The following FRMD4A variants were observed in gnomAD, a reference collection of about 807,000 sequenced individuals.
The protein encoded by FRMD4A is FERM domain-containing protein 4A.
FRMD4A carries 29 observed loss-of-function variants against 129.1 expected under a neutral mutation model. The observed-to-expected ratio is 0.22, with a 90% CI of 0.17 to 0.31. FRMD4A has a LOEUF of 0.31. Among genes scored for constraint, FRMD4A ranks in the 10% least tolerant of loss-of-function variants. The probability of loss-of-function intolerance (pLI) is 1.00; values close to 1 mark genes in which losing one functional copy is unlikely to be tolerated. For missense variants in FRMD4A, 1,272 were observed against 1,375.8 expected, an observed-to-expected ratio of 0.92 and a Z score of 1.19; for synonymous variants, 634 against 571.6, an observed-to-expected ratio of 1.11 and a Z score of -1.56.
intron 2 of FRMD4A, chr10:13,972,275 T>C: frequency 9.1e-6 from 9 of 989,516 alleles, no homozygotes; most frequent in Non-Finnish European, 1.1e-5. Context: ...CCCCAGACAT[T>C]CCATCCCTTT....
intron 3 of FRMD4A, among the ~76,000 whole-genome samples, chr10:13,837,635 T>C (rs757361252): frequency 6.6e-6 from 1 of 152,204 alleles, no homozygotes. Context: ...TCAAGGTCCA[T>C]CTCATCTCTT....
chr10:13,659,516 T>C, intron 20 of FRMD4A, 26 bp from the exon 21 acceptor site: 1 of 1,603,566 alleles, frequency 6.2e-7, no homozygotes, highest in Non-Finnish European at 8.5e-7. Context: ...TGCCACGTGG[T>C]CACCGCCAGA....
intron 2 of FRMD4A, among the ~76,000 whole-genome samples, chr10:14,278,840 G>A (rs1845425857): frequency 6.6e-6 from 1 of 152,178 alleles, no homozygotes; most frequent in South Asian, 2.1e-4. Flanking sequence ...GAATGAGAGA[G>A]CAATCTTTTT....
At chr10:13,784,717 G>A (rs57952074) in intron 5 of FRMD4A, among the ~76,000 whole-genome samples, 1,807 of 152,204 alleles carry the variant, frequency 0.012, 69 homozygotes, top group East Asian at 0.089. Context: ...GGCCAGGCGC[G>A]GTGGCTCACA....
rs372420987 is a variant in FRMD4A, at chr10:14,110,125, T to TTAAA, written c.45+219932_45+219933insTTTA. On this transcript the variant is annotated intron_variant, in intron 2 of 24. Transcript: ENST00000357447. The stretch of plus-strand genomic sequence containing the variant: ...GGCTGGGCAACAAAGCGAGATGCTG[T>TTAAA]AAAAAAAAAAAAAAAAAAAAAAGCT... Among the ~76,000 whole-genome samples the TTAAA allele has an allele frequency of 8.0e-4, 72 of 89,554 alleles. 12 individuals are homozygous for TTAAA. Among genetic ancestry groups the TTAAA allele is most frequent in the Middle Eastern group, 8.6e-3 (1 of 116 alleles). 58.8% of individuals were successfully genotyped at this position (89,554 alleles called of 152,430 possible).
chr10:14,010,762 G>A (rs766964323), intron 2 of FRMD4A, among the ~76,000 whole-genome samples: 1 of 142,510 alleles, frequency 7.0e-6, no homozygotes, highest in African/African-American at 2.6e-5. Context: ...TCCTCGCTTC[G>A]GCCCCCCAAA....
chr10:13,874,245 CAAAAAA>C (rs71388124), intron 2 of FRMD4A, among the ~76,000 whole-genome samples: 5,397 of 76,622 alleles, frequency 0.07, 113 homozygotes, highest in South Asian at 0.13. Context: ...GACACTGTCT[CAAAAAA>C]AAAAAAAAAA....
At chr10:14,079,759 C>T (rs956167144) in intron 2 of FRMD4A, among the ~76,000 whole-genome samples, 1 of 152,186 alleles carries the variant, frequency 6.6e-6, no homozygotes, top group Non-Finnish European at 1.5e-5. Context: ...AGACTCAGAA[C>T]TGGGTGTTCT....
chr10:13,975,074 T>C (rs1279489093), intron 2 of FRMD4A, among the ~76,000 whole-genome samples: 1 of 151,974 alleles, frequency 6.6e-6, no homozygotes, highest in African/African-American at 2.4e-5. Context: ...TGTATGTGTG[T>C]CCATGTGTGC....
intron 2 of FRMD4A, among the ~76,000 whole-genome samples, chr10:14,309,971 A>C (rs947538835): frequency 6.6e-6 from 1 of 151,294 alleles, no homozygotes; most frequent in African/African-American, 2.4e-5. Flanking sequence ...ACCCCCAGCA[A>C]GACTGGCCGT....
At chr10:14,100,154 A>G (rs1837225678) in intron 2 of FRMD4A, among the ~76,000 whole-genome samples, 1 of 152,108 alleles carries the variant, frequency 6.6e-6, no homozygotes, top group Admixed American at 6.5e-5. Flanking sequence ...CTTCATTTCC[A>G]CTGTCTCGAT....
At chr10:14,319,477 G>T (rs1339663063) in intron 2 of FRMD4A, among the ~76,000 whole-genome samples, 1 of 151,470 alleles carries the variant, frequency 6.6e-6, no homozygotes, top group Non-Finnish European at 1.5e-5. Flanking sequence ...AATCTTTGAG[G>T]AAGTGCCGTC....
intron 2 of FRMD4A, chr10:14,083,449 A>T (rs1836052272): frequency 6.6e-6 from 1 of 152,480 alleles, no homozygotes; most frequent in South Asian, 2.1e-4. Context: ...CAGCTCTGCA[A>T]GAAGGTGAGG....
intron 8 of FRMD4A, among the ~76,000 whole-genome samples, chr10:13,760,376 C>T (rs184248000): frequency 4.6e-5 from 7 of 152,032 alleles, no homozygotes; most frequent in East Asian, 1.9e-4. Flanking sequence ...ATAATTAGCC[C>T]GGTGCAGTGA....
chr10:13,967,609 T>G (rs1159640374), intron 2 of FRMD4A, among the ~76,000 whole-genome samples: 2 of 152,234 alleles, frequency 1.3e-5, no homozygotes, highest in African/African-American at 4.8e-5. Flanking sequence ...TGCCAAGCCA[T>G]GGGCTTAATT....
chr10:14,218,385 T>C (rs1266178525), intron 2 of FRMD4A, among the ~76,000 whole-genome samples: 1 of 152,244 alleles, frequency 6.6e-6, no homozygotes, highest in East Asian at 1.9e-4. Flanking sequence ...TCAAAACAGC[T>C]GAGGTATCAT....
rs145082794 is a variant in FRMD4A at position 13,687,033 on chromosome 10, G to C, written c.1117+6865C>G. 3.9e-3 allele frequency among the ~76,000 whole-genome samples: 588 copies of C among 152,242 alleles called. 1 individual carries two copies. The highest frequency in any genetic ancestry group is 0.014 in the African/African-American group (572 of 41,556). On this transcript the variant is annotated intron_variant, in intron 15 of 24. Transcript: ENST00000357447. ...TGGCCAGGTGTGGTGGCTCAAGCCT[G>C]TAATCCCAGCATGTTGGGAGGCCGA... is the stretch of plus-strand genomic sequence containing the variant.
intron 2 of FRMD4A, among the ~76,000 whole-genome samples, chr10:14,002,642 C>T (rs1474861489): frequency 1.3e-5 from 2 of 152,156 alleles, no homozygotes; most frequent in Admixed American, 6.5e-5. Flanking sequence ...TGCCTGCCAT[C>T]GTACGGAGGA....
intron 3 of FRMD4A, among the ~76,000 whole-genome samples, chr10:13,840,113 C>G (rs1297280785): frequency 6.6e-6 from 1 of 152,178 alleles, no homozygotes; most frequent in Non-Finnish European, 1.5e-5. Context: ...AACTATGTGC[C>G]TTCCTAAAAT....
Sources: gnomAD v4.1 joint callset for allele counts (sites outside exome capture counted in the v4.1 genomes callset) on GRCh38, gnomAD v4.1.1 for gene constraint, MANE v1.5 for transcripts, NCBI Gene and HGNC (gene_info 2026-07-23, HGNC 2026-07-21) for gene names.